Variants in SRPK1 observed in about 807,000 individuals in gnomAD.
SRPK1 encodes the protein SRSF protein kinase 1, also known as SFRS protein kinase 1.
SRPK1 carries 52 observed loss-of-function variants against 89.5 expected under a neutral mutation model. The ratio of observed to expected loss-of-function variants is 0.58; its 90% confidence interval spans 0.46 to 0.73. The LOEUF (loss-of-function observed/expected upper bound fraction) is 0.73. Ranked by LOEUF, SRPK1 falls within the 30% of genes least tolerant of loss-of-function variation. SRPK1 has a pLI of 0.00. For synonymous variants in SRPK1, 255 were observed against 270.2 expected, an observed-to-expected ratio of 0.94 and a Z score of 0.55; for missense variants, 603 against 780.6, an observed-to-expected ratio of 0.77 and a Z score of 2.71.
At chr6:35,856,299 G>A (rs1233863954) in intron 13 of SRPK1, among the ~76,000 whole-genome samples, 1 of 151,944 alleles carries the variant, frequency 6.6e-6, no homozygotes. Flanking sequence ...TTCACATTTA[G>A]TACGCTCTCA....
intron 13 of SRPK1, among the ~76,000 whole-genome samples, chr6:35,845,093 G>A (rs748433310): frequency 1.3e-5 from 2 of 152,092 alleles, no homozygotes; most frequent in African/African-American, 2.4e-5. Context: ...TGACATTATG[G>A]AGACAATAAA....
intron 12 of SRPK1, among the ~76,000 whole-genome samples, chr6:35,859,724 A>C (rs1769739032): frequency 6.6e-6 from 1 of 152,254 alleles, no homozygotes. Context: ...TGTGCTGAAG[A>C]GATCAAGAAG....
At chr6:35,837,786 A>G (rs1769214247) in intron 15 of SRPK1, among the ~76,000 whole-genome samples, 1 of 151,520 alleles carries the variant, frequency 6.6e-6, no homozygotes, top group Non-Finnish European at 1.5e-5. Context: ...TTGAACTCCT[A>G]GACTCAAGTG....
At chr6:35,893,663 C>T (rs1770568234) in intron 2 of SRPK1, among the ~76,000 whole-genome samples, 2 of 150,478 alleles carry the variant, frequency 1.3e-5, no homozygotes, top group Non-Finnish European at 2.9e-5. Flanking sequence ...TGATGCTACC[C>T]CAGAGTAAAC....
At chr6:35,839,239 C>G (rs1264571961) in intron 14 of SRPK1, among the ~76,000 whole-genome samples, 1 of 152,192 alleles carries the variant, frequency 6.6e-6, no homozygotes, top group Non-Finnish European at 1.5e-5. Flanking sequence ...TGGTCTCAAA[C>G]TCCTGGGCTC....
At chr6:35,852,316 T>A (rs1040866887) in intron 13 of SRPK1, among the ~76,000 whole-genome samples, 2 of 152,146 alleles carry the variant, frequency 1.3e-5, no homozygotes, top group Non-Finnish European at 2.9e-5. Flanking sequence ...ACTGCAGGGA[T>A]CTACTGTAAA....
chr6:35,886,425 GCTAA>G (rs1311703072), intron 6 of SRPK1, among the ~76,000 whole-genome samples: 2 of 152,058 alleles, frequency 1.3e-5, no homozygotes, highest in Non-Finnish European at 2.9e-5. Flanking sequence ...AAGTTTCTGT[GCTAA>G]CTGACAAAAA....
At chr6:35,911,944 G>A (rs1447825692) in intron 2 of SRPK1, among the ~76,000 whole-genome samples, 1 of 151,790 alleles carries the variant, frequency 6.6e-6, no homozygotes, top group Non-Finnish European at 1.5e-5. Context: ...GGGTAAGGGA[G>A]GGTCAATAAA....
At chr6:35,885,141 G>C (rs1043566481) in intron 6 of SRPK1, among the ~76,000 whole-genome samples, 4 of 152,000 alleles carry the variant, frequency 2.6e-5, no homozygotes, top group African/African-American at 7.3e-5. Context: ...AATTAGTAAA[G>C]AAATCTGGCA....
chr6:35,843,993 T>A (rs900563563), intron 13 of SRPK1, among the ~76,000 whole-genome samples: 1 of 149,846 alleles, frequency 6.7e-6, no homozygotes, highest in Non-Finnish European at 1.5e-5. Flanking sequence ...TAAAAATTAG[T>A]ACACAACAGC....
rs776240399 is a variant in SRPK1 at position 35,870,956 on chromosome 6, C to G, written c.755G>C (p.Ser252Thr). ...TACTGGTTTAGGCTGGGGAGCAGTA[C>G]TGACTGAAAAGAAAAGAAAACCAAG... The part of the protein sequence containing the change: ...GAPPPSGSAV[S>T]TAPQPKPADK... The change falls in exon 9 of 16, where the codon AGT becomes ACT. Residue 252 changes from serine to threonine, a missense_variant. Transcript: ENST00000373825. 1.9e-6 allele frequency: 3 copies of G among 1,607,810 alleles called. No homozygotes were observed. Among genetic ancestry groups the G allele is most frequent in the Non-Finnish European group, 2.5e-6 (3 of 1,176,478 alleles).
rs1357643590 is a variant in SRPK1 at position 35,857,123 on chromosome 6, A to G, written c.1620+138T>C. On this transcript the variant is annotated intron_variant, in intron 13 of 15. Coordinates refer to ENST00000373825, the MANE Select transcript of SRPK1 (RefSeq NM_003137.5). Reference sequence around the variant, plus strand: ...TTTTTGAATTCGGACCTCTCTAGACATAGAATTTAGAATACCTATGGTAAA... The same window carrying G: ...TTTTTGAATTCGGACCTCTCTAGACGTAGAATTTAGAATACCTATGGTAAA... The G allele has an allele frequency of 1.1e-5, 7 of 661,676 alleles. No homozygotes were observed. The Admixed American group carries it at 1.9e-4, about 18-fold the overall frequency. 41.0% of individuals were successfully genotyped at this position (661,676 alleles called of 1,614,324 possible).
chr6:35,900,243 G>A (rs1770712768), intron 2 of SRPK1, among the ~76,000 whole-genome samples: 1 of 152,112 alleles, frequency 6.6e-6, no homozygotes, highest in African/African-American at 2.4e-5. Context: ...CGCCTTATGT[G>A]TAAAATGAAG....
At chr6:35,836,164 T>C in intron 15 of SRPK1, among the ~76,000 whole-genome samples, 1 of 152,164 alleles carries the variant, frequency 6.6e-6, no homozygotes, top group Non-Finnish European at 1.5e-5. Context: ...AGTGGCTGCA[T>C]TAGATTCTCA....
chr6:35,911,378 T>A (rs959724355), intron 2 of SRPK1, among the ~76,000 whole-genome samples: 4 of 151,970 alleles, frequency 2.6e-5, no homozygotes, highest in Admixed American at 6.5e-5. Context: ...TCCAATCTCA[T>A]AATAAAACTT....
At chr6:35,880,146 A>G (rs950488151) in intron 6 of SRPK1, among the ~76,000 whole-genome samples, 2 of 151,816 alleles carry the variant, frequency 1.3e-5, no homozygotes, top group Admixed American at 6.6e-5. Flanking sequence ...ATATATAAAC[A>G]AAACGGAGAT....
chr6:35,842,495 T>C (rs765828523), intron 14 of SRPK1, 40 bp downstream of exon 14: 12 of 1,516,852 alleles, frequency 7.9e-6, no homozygotes, highest in Non-Finnish European at 9.0e-6. Context: ...GTGGAAAGTG[T>C]AAATACCACG....
intron 5 of SRPK1, among the ~76,000 whole-genome samples, chr6:35,887,585 C>G (rs1310626305): frequency 6.6e-6 from 1 of 152,246 alleles, no homozygotes; most frequent in East Asian, 1.9e-4. Flanking sequence ...TAGAATTTAT[C>G]TCAGTTTCCA....
chr6:35,871,879 T>C (rs1488947189), intron 8 of SRPK1, among the ~76,000 whole-genome samples: 2 of 152,164 alleles, frequency 1.3e-5, no homozygotes, highest in African/African-American at 4.8e-5. Context: ...GTAAATGGAC[T>C]ACAGGCACGC....
Sources: allele counts gnomAD v4.1 joint callset (sites outside exome capture counted in the v4.1 genomes callset), GRCh38; gene constraint gnomAD v4.1.1; transcripts MANE v1.5; gene names NCBI Gene and HGNC (gene_info 2026-07-23, HGNC 2026-07-21).